Variants in KIF26B observed in about 807,000 individuals in gnomAD.
KIF26B encodes kinesin-like protein KIF26B.
KIF26B carries 63 observed loss-of-function variants against 151.2 expected under a neutral mutation model. The ratio of observed to expected loss-of-function variants is 0.42; its 90% CI spans 0.34 to 0.51. The LOEUF is 0.51. Among genes scored for constraint, KIF26B ranks in the 20% least tolerant of loss-of-function variants. The probability of loss-of-function intolerance (pLI) is 0.07; values close to 1 mark genes in which losing one functional copy is unlikely to be tolerated. For synonymous variants in KIF26B, 1,357 were observed against 1,262.1 expected (o/e 1.08, Z -1.59); for missense variants, 2,813 against 2,913.6 (o/e 0.97, Z 0.79).
At chr1:245,539,568 A>T (rs1661556875) in intron 4 of KIF26B, among the ~76,000 whole-genome samples, 1 of 152,196 alleles carries the variant, frequency 6.6e-6, no homozygotes, top group Non-Finnish European at 1.5e-5. Context: ...AGAAATGAGT[A>T]TATTAGAGTC....
At chr1:245,180,298 G>GAC (rs1424098412) in intron 2 of KIF26B, among the ~76,000 whole-genome samples, 1 of 147,390 alleles carries the variant, frequency 6.8e-6, no homozygotes, top group East Asian at 1.9e-4. Context: ...GTAGCAGAGA[G>GAC]AGAGAGAGAG....
chr1:245,637,573 C>A, intron 9 of KIF26B, among the ~76,000 whole-genome samples: 1 of 151,802 alleles, frequency 6.6e-6, no homozygotes, highest in South Asian at 2.1e-4. Context: ...AGGTCTTACC[C>A]CAAAAATATT....
chr1:245,527,523 G>GTTTTTTTTTTTTTTT (rs1219756621), intron 4 of KIF26B, among the ~76,000 whole-genome samples: 1 of 40,526 alleles, frequency 2.5e-5, no homozygotes, highest in African/African-American at 9.0e-5. Context: ...CTTTGGGATG[G>GTTTTTTTTTTTTTTT]CTTTTTTTTT....
chr1:245,263,603 GCA>G (rs1670691147), intron 2 of KIF26B, among the ~76,000 whole-genome samples: 1 of 152,212 alleles, frequency 6.6e-6, no homozygotes, highest in Non-Finnish European at 1.5e-5. Flanking sequence ...GATTTCATTT[GCA>G]TCTTGCCCTC....
rs1158462354 is a variant in KIF26B, at chr1:245,166,052, C to A, written c.465+9369C>A. On this transcript the variant is annotated intron_variant, in intron 2 of 14. Coordinates refer to ENST00000407071, the MANE Select transcript of KIF26B (RefSeq NM_018012.4). This position sits in a 1 kb window ranked among gnomAD's most constrained non-coding sequence, Gnocchi z 4.5. ...TTGCGTGCAAAACCAGGCTCCGTCA[C>A]TTAGGGTGTGACCTTGGGCAAGCCT... Among the ~76,000 whole-genome samples, 1 of 152,198 alleles carries A rather than the reference C, an allele frequency of 6.6e-6. No homozygotes were observed. The highest frequency in any genetic ancestry group is 1.5e-5 in the Non-Finnish European group (1 of 68,040).
intron 3 of KIF26B, among the ~76,000 whole-genome samples, chr1:245,377,631 C>T (rs575785512): frequency 6.6e-6 from 1 of 152,212 alleles, no homozygotes; most frequent in South Asian, 2.1e-4. Flanking sequence ...GACAGACAGA[C>T]AGACAGATAA....
At chr1:245,347,114 T>C (rs1672471698) in intron 2 of KIF26B, among the ~76,000 whole-genome samples, 1 of 152,174 alleles carries the variant, frequency 6.6e-6, no homozygotes, top group Non-Finnish European at 1.5e-5. Context: ...CTGTTTCCAG[T>C]TTATGACCAT....
At chr1:245,498,820 G>A (rs1007618579) in intron 4 of KIF26B, among the ~76,000 whole-genome samples, 8 of 152,154 alleles carry the variant, frequency 5.3e-5, no homozygotes, top group African/African-American at 1.4e-4. Flanking sequence ...AGGAGGCAAC[G>A]AGGCTAGTCT....
chr1:245,231,647 A>G (rs963515581), intron 2 of KIF26B, among the ~76,000 whole-genome samples: 1 of 152,208 alleles, frequency 6.6e-6, no homozygotes, highest in African/African-American at 2.4e-5. Flanking sequence ...ATGTATCCTC[A>G]TAAACTTTGT....
In KIF26B at chr1:245,698,547, G is replaced by A. The variant is rs1320417188; in HGVS notation, c.6027+239G>A. On this transcript the variant is annotated intron_variant, in intron 13 of 14. Coordinates refer to ENST00000407071, the MANE Select transcript of KIF26B (RefSeq NM_018012.4). This position sits in a 1 kb window ranked among gnomAD's most constrained non-coding sequence, Gnocchi z 4.0. The stretch of plus-strand genomic sequence containing the variant: ...TTAAGGGCTTCAAAGCCAGGGGTCG[G>A]GGGCTGGTGATCTTGGGGGCTTTTC... 1.3e-5 allele frequency among the ~76,000 whole-genome samples: 2 copies of A among 152,206 alleles called. No homozygotes were observed. The highest frequency in any genetic ancestry group is 4.8e-5 in the African/African-American group (2 of 41,460).
intron 5 of KIF26B, among the ~76,000 whole-genome samples, chr1:245,561,980 C>T (rs1386151689): frequency 6.6e-6 from 1 of 152,106 alleles, no homozygotes; most frequent in Non-Finnish European, 1.5e-5. Context: ...TGCTGAAGGG[C>T]ACTCTTCAGT....
At chr1:245,449,321 A>G (rs1223583837) in intron 4 of KIF26B, among the ~76,000 whole-genome samples, 1 of 152,238 alleles carries the variant, frequency 6.6e-6, no homozygotes, top group Non-Finnish European at 1.5e-5. Flanking sequence ...GCAATTTACA[A>G]GCCTGAGCCA....
At chr1:245,655,180 A>T (rs1366196828) in intron 10 of KIF26B, among the ~76,000 whole-genome samples, 1 of 152,190 alleles carries the variant, frequency 6.6e-6, no homozygotes, top group Non-Finnish European at 1.5e-5. Context: ...ACACACTCAG[A>T]CGCTCTCCCT....
chr1:245,690,748 G>C (rs992764862), intron 12 of KIF26B, among the ~76,000 whole-genome samples: 3 of 151,750 alleles, frequency 2.0e-5, no homozygotes, highest in East Asian at 3.9e-4. Flanking sequence ...CCTGGGGGGG[G>C]GGTATGCTTC....
At position 245,677,270 on chromosome 1, in the gene KIF26B, A is replaced by G. The variant is rs574330160; in HGVS notation, c.2259-6963A>G. On this transcript the variant is annotated intron_variant, in intron 10 of 14. Coordinates refer to ENST00000407071, the MANE Select transcript of KIF26B (RefSeq NM_018012.4). ...GATGAGACAACTAATCATCGTGTACACTGCCGAATGACAGTGTTTGCAGAA... is the reference window on the plus strand; with the variant it reads ...GATGAGACAACTAATCATCGTGTACGCTGCCGAATGACAGTGTTTGCAGAA... Among the ~76,000 whole-genome samples the G allele has an allele frequency of 3.5e-4, 54 of 152,282 alleles. No homozygotes were observed. The South Asian group carries it at 0.011, about 30-fold the overall frequency.
chr1:245,618,573 T>A (rs565669092), intron 9 of KIF26B, among the ~76,000 whole-genome samples: 1 of 130,152 alleles, frequency 7.7e-6, no homozygotes, highest in African/African-American at 3.0e-5. Context: ...GTGTGCTGTT[T>A]GTGAGCTTGT....
chr1:245,552,565 C>T (rs565401249), intron 5 of KIF26B, among the ~76,000 whole-genome samples: 8 of 151,726 alleles, frequency 5.3e-5, no homozygotes, highest in African/African-American at 1.5e-4. Context: ...CCTTCCCATC[C>T]GTATAAGGCC....
intron 5 of KIF26B, among the ~76,000 whole-genome samples, chr1:245,568,628 C>T (rs551113731): frequency 9.8e-5 from 15 of 152,294 alleles, no homozygotes; most frequent in Admixed American, 6.5e-4. Context: ...ATTGCTGGTC[C>T]GAACCAGCAA....
At chr1:245,283,690 AT>A (rs35386952) in intron 2 of KIF26B, among the ~76,000 whole-genome samples, 109 of 141,624 alleles carry the variant, frequency 7.7e-4, no homozygotes, top group Non-Finnish European at 4.7e-4. Context: ...AAGCTTGAGA[AT>A]TTTTTTTTTT....
Sources: gnomAD v4.1 joint callset for allele counts (sites outside exome capture counted in the v4.1 genomes callset) on GRCh38, gnomAD v4.1.1 for gene constraint, Gnocchi (gnomAD v3.1) non-coding constraint, MANE v1.5 for transcripts, NCBI Gene and HGNC (gene_info 2026-07-23, HGNC 2026-07-21) for gene names.